Variants in SEPTIN7 observed in about 807,000 individuals in gnomAD.
SEPTIN7 encodes the protein septin 7.
SEPTIN7 carries 10 observed loss-of-function variants against 63.3 expected under a neutral mutation model. The observed-to-expected ratio is 0.16, with a 90% CI of 0.10 to 0.27. The LOEUF (loss-of-function observed/expected upper bound fraction) is 0.27. Ranked by LOEUF, SEPTIN7 falls within the 10% of genes least tolerant of loss-of-function variation. SEPTIN7 has a pLI of 1.00. For synonymous variants in SEPTIN7, 131 were observed against 165.3 expected (o/e 0.79, Z 1.59); for missense variants, 310 against 521.0 (o/e 0.59, Z 3.94).
intron 11 of SEPTIN7, among the ~76,000 whole-genome samples, chr7:35,895,412 G>A (rs1364951778): frequency 6.6e-6 from 1 of 152,076 alleles, no homozygotes; most frequent in Non-Finnish European, 1.5e-5. Context: ...CAGTATTTGA[G>A]TATATTTGGT....
At chr7:35,809,483 G>A (rs1788561415) in intron 1 of SEPTIN7, among the ~76,000 whole-genome samples, 1 of 152,160 alleles carries the variant, frequency 6.6e-6, no homozygotes, top group African/African-American at 2.4e-5. Context: ...TAAAGTCTAG[G>A]CCTGTGTTTT....
At chr7:35,874,521 C>T (rs548180031) in intron 6 of SEPTIN7, among the ~76,000 whole-genome samples, 22 of 152,202 alleles carry the variant, frequency 1.4e-4, no homozygotes, top group Admixed American at 1.4e-3. Flanking sequence ...AATTCAGCCA[C>T]CTGATGATTA....
chr7:35,844,996 G>A (rs1367901930), intron 3 of SEPTIN7, among the ~76,000 whole-genome samples: 2 of 152,142 alleles, frequency 1.3e-5, no homozygotes, highest in South Asian at 2.1e-4. Flanking sequence ...GGCCCAGGTA[G>A]GAGGATTGCT....
chr7:35,835,500 A>G (rs1463523326), intron 3 of SEPTIN7, among the ~76,000 whole-genome samples: 1 of 152,178 alleles, frequency 6.6e-6, no homozygotes, highest in Non-Finnish European at 1.5e-5. Context: ...CCATGGTTAC[A>G]TTGCTAGGAG....
rs184881989 is a variant in SEPTIN7 at position 35,863,512 on chromosome 7, G to C, written c.170-40G>C. The C allele has an allele frequency of 1.9e-3, 2,301 of 1,235,958 alleles. 1 individual carries two copies. Among genetic ancestry groups the C allele is most frequent in the Admixed American group, 2.7e-3 (151 of 55,258 alleles). 76.6% of individuals were successfully genotyped at this position (1,235,958 alleles called of 1,614,324 possible). A position where few individuals can be genotyped will look rare whatever the true frequency, so the allele number is the denominator to read the frequency against. On this transcript the variant is annotated intron_variant, in intron 3 of 13. Coordinates refer to ENST00000350320, the MANE Select transcript of SEPTIN7 (RefSeq NM_001788.6). ...TGTTGAATATTTAAGATTGCGTAAA[G>C]TGGGTGAGTTTAACAGATATTTTCC...
In SEPTIN7 at chr7:35,906,458, A is replaced by G. The variant is rs1306750909; in HGVS notation, c.*2165A>G. On this transcript the variant is annotated 3_prime_UTR_variant, in exon 14 of 14. Coordinates refer to ENST00000350320, the MANE Select transcript of SEPTIN7 (RefSeq NM_001788.6). ...GTAAAATTCAGGTAGGCCTAAGGAAAGGCCAGCCTGTAGAAAGCAAAATGG... is the reference window on the plus strand; with the variant it reads ...GTAAAATTCAGGTAGGCCTAAGGAAGGGCCAGCCTGTAGAAAGCAAAATGG... 6.6e-6 allele frequency: 1 copy of G among 152,358 alleles called. No individual in the cohort carries two copies. Among genetic ancestry groups the G allele is most frequent in the African/African-American group, 2.4e-5 (1 of 41,588 alleles). 9.4% of individuals were successfully genotyped at this position (152,358 alleles called of 1,614,324 possible). A position where few individuals can be genotyped will look rare whatever the true frequency, so the allele number is the denominator to read the frequency against.
chr7:35,817,489 T>C (rs2115762645), intron 1 of SEPTIN7, among the ~76,000 whole-genome samples: 1 of 152,228 alleles, frequency 6.6e-6, no homozygotes, highest in Middle Eastern at 3.4e-3. Flanking sequence ...CTTCCAACTT[T>C]GTTCTGTTTC....
intron 3 of SEPTIN7, 25 bp downstream of exon 3, chr7:35,832,925 T>C: frequency 7.4e-7 from 1 of 1,352,798 alleles, no homozygotes. Context: ...CTTACTAAAA[T>C]GGAACTTTGG....
intron 7 of SEPTIN7, 66 bp downstream of exon 7, chr7:35,880,006 T>C: frequency 1.2e-6 from 1 of 844,870 alleles, no homozygotes; most frequent in East Asian, 2.7e-5. Flanking sequence ...TTACTATTTT[T>C]AGTATAATGT....
chr7:35,812,838 A>C (rs1788813968), intron 1 of SEPTIN7, among the ~76,000 whole-genome samples: 1 of 152,198 alleles, frequency 6.6e-6, no homozygotes, highest in African/African-American at 2.4e-5. Context: ...TATGTCTATT[A>C]TTTATAGTAT....
chr7:35,819,295 T>C (rs970566667), intron 1 of SEPTIN7, among the ~76,000 whole-genome samples: 7 of 152,190 alleles, frequency 4.6e-5, no homozygotes, highest in African/African-American at 7.2e-5. Flanking sequence ...AACTTCATTC[T>C]CTAGTGGATG....
intron 4 of SEPTIN7, among the ~76,000 whole-genome samples, chr7:35,864,914 C>T (rs1445486602): frequency 6.6e-6 from 1 of 152,006 alleles, no homozygotes; most frequent in East Asian, 1.9e-4. Flanking sequence ...ATATTCTGGG[C>T]AGTAACTCAT....
chr7:35,908,139 C>T (rs1020557644), downstream of SEPTIN7, among the ~76,000 whole-genome samples: 1 of 152,134 alleles, frequency 6.6e-6, no homozygotes, highest in Non-Finnish European at 1.5e-5. Flanking sequence ...ATAAAATACA[C>T]CATTCTTTGT....
chr7:35,877,777 A>G (rs1163678696), intron 6 of SEPTIN7, among the ~76,000 whole-genome samples: 1 of 152,212 alleles, frequency 6.6e-6, no homozygotes, highest in Non-Finnish European at 1.5e-5. Flanking sequence ...TGAGTGTTAG[A>G]TACCACGCTG....
intron 11 of SEPTIN7, among the ~76,000 whole-genome samples, chr7:35,894,848 T>C (rs1182305921): frequency 6.6e-6 from 1 of 152,202 alleles, no homozygotes; most frequent in Non-Finnish European, 1.5e-5. Context: ...GGGTCATATG[T>C]AATGCAGCAA....
intron 1 of SEPTIN7, among the ~76,000 whole-genome samples, chr7:35,819,828 C>T (rs185764596): frequency 4.5e-4 from 68 of 152,252 alleles, no homozygotes; most frequent in Non-Finnish European, 9.6e-4. Flanking sequence ...GTGGGCACCA[C>T]ATAGTTGGAT....
chr7:35,822,533 C>T (rs1583507244), intron 1 of SEPTIN7, among the ~76,000 whole-genome samples: 2 of 152,054 alleles, frequency 1.3e-5, no homozygotes, highest in South Asian at 2.1e-4. Flanking sequence ...CTAATGCTGC[C>T]GCTGATCTGA....
intron 4 of SEPTIN7, among the ~76,000 whole-genome samples, chr7:35,867,713 G>T (rs1785900620): frequency 6.6e-6 from 1 of 152,016 alleles, no homozygotes; most frequent in Admixed American, 6.6e-5. Context: ...TCTTTTCTTG[G>T]GAAGAAATTA....
At chr7:35,861,086 A>T (rs564341430) in intron 3 of SEPTIN7, among the ~76,000 whole-genome samples, 1 of 152,060 alleles carries the variant, frequency 6.6e-6, no homozygotes, top group African/African-American at 2.4e-5. Context: ...TTGCCTACTC[A>T]GTTCTGCTAT....
Sources: gnomAD v4.1 joint callset for allele counts (sites outside exome capture counted in the v4.1 genomes callset) on GRCh38, gnomAD v4.1.1 for gene constraint, MANE v1.5 for transcripts, NCBI Gene and HGNC (gene_info 2026-07-23, HGNC 2026-07-21) for gene names.